PTPRT: variants seen among roughly 807,000 people sequenced by gnomAD.
PTPRT encodes the protein receptor-type tyrosine-protein phosphatase T.
A neutral mutation model predicts 176.8 loss-of-function variants in PTPRT; 56 were observed. That is an observed-to-expected ratio of 0.32 (90% CI 0.26 to 0.40). The LOEUF (loss-of-function observed/expected upper bound fraction) is 0.40, where lower values mean the gene tolerates loss of function less well. Ranked by LOEUF, PTPRT falls within the 10% of genes least tolerant of loss-of-function variation. The pLI is 1.00. For synonymous variants in PTPRT, 783 were observed against 739.0 expected (o/e 1.06, Z -0.96); for missense variants, 1,540 against 1,908.2 (o/e 0.81, Z 3.60).
chr20:43,179,938 A>G (rs2015209532), intron 1 of PTPRT, among the ~76,000 whole-genome samples: 1 of 152,214 alleles, frequency 6.6e-6, no homozygotes, highest in African/African-American at 2.4e-5. Flanking sequence ...GGCTGGGCTA[A>G]CAGATGCCCA....
At chr20:42,999,542 G>A (rs1175636329) in intron 1 of PTPRT, among the ~76,000 whole-genome samples, 1 of 152,096 alleles carries the variant, frequency 6.6e-6, no homozygotes, top group African/African-American at 2.4e-5. Context: ...GGCCACTGGA[G>A]GCCAGGGGTT....
At chr20:42,418,394 C>T (rs899055414) in intron 9 of PTPRT, among the ~76,000 whole-genome samples, 1 of 152,158 alleles carries the variant, frequency 6.6e-6, no homozygotes, top group Admixed American at 6.5e-5. Context: ...CTAGCTTAGA[C>T]TCTGGCTCAG....
intron 1 of PTPRT, among the ~76,000 whole-genome samples, chr20:43,087,981 A>G (rs2011669384): frequency 6.6e-6 from 1 of 152,220 alleles, no homozygotes; most frequent in South Asian, 2.1e-4. Flanking sequence ...CCACTGTAAG[A>G]TGGCTGTACT....
chr20:42,631,006 C>CCCAAGAAA (rs1445809400), intron 7 of PTPRT, among the ~76,000 whole-genome samples: 2 of 152,040 alleles, frequency 1.3e-5, no homozygotes, highest in African/African-American at 4.8e-5. Flanking sequence ...GAGACTCTTA[C>CCCAAGAAA]CCAAGAAACC....
intron 6 of PTPRT, among the ~76,000 whole-genome samples, chr20:42,692,503 T>TCTAAAA (rs1303409687): frequency 6.6e-6 from 1 of 152,222 alleles, no homozygotes; most frequent in Non-Finnish European, 1.5e-5. Flanking sequence ...CAGCCATTCA[T>TCTAAAA]GATAAAACTT....
At chr20:42,187,478 G>A (rs982672721) in intron 16 of PTPRT, among the ~76,000 whole-genome samples, 3 of 152,202 alleles carry the variant, frequency 2.0e-5, no homozygotes, top group Non-Finnish European at 4.4e-5. Context: ...GTGATGCACT[G>A]AGCATAGGGG....
At position 43,189,470 on chromosome 20, in the gene PTPRT, G is replaced by C. The variant is rs912447637; in HGVS notation, c.88+176C>G. Among the ~76,000 whole-genome samples the C allele has an allele frequency of 7.2e-5, 11 of 151,956 alleles. No homozygotes were observed. The highest frequency in any genetic ancestry group is 2.4e-4 in the African/African-American group (10 of 41,400). ...ACGCGAGGGGCCGGGCTCGCTGGCC[G>C]GGGCGCGCGGGGACACTGCTTCCCG... On this transcript the variant is annotated intron_variant, in intron 1 of 30. Transcript: ENST00000373187. This position sits in a 1 kb window ranked among gnomAD's most constrained non-coding sequence, Gnocchi z 5.0.
chr20:42,876,144 C>T (rs2078926440), intron 2 of PTPRT, among the ~76,000 whole-genome samples: 1 of 152,144 alleles, frequency 6.6e-6, no homozygotes, highest in South Asian at 2.1e-4. Context: ...AGAGAGGTAA[C>T]TTATATGTTC....
At chr20:42,611,732 G>T (rs1173498657) in intron 7 of PTPRT, among the ~76,000 whole-genome samples, 1 of 152,192 alleles carries the variant, frequency 6.6e-6, no homozygotes, top group Non-Finnish European at 1.5e-5. Flanking sequence ...CCTCCTGGCT[G>T]TGGGCATTCC....
At chr20:42,549,765 G>A (rs924056551) in intron 7 of PTPRT, among the ~76,000 whole-genome samples, 9 of 152,170 alleles carry the variant, frequency 5.9e-5, no homozygotes, top group Admixed American at 5.9e-4. Context: ...ACAGTCTCTA[G>A]TAGCCAGCTG....
chr20:42,701,960 A>C (rs2075979884), intron 6 of PTPRT, among the ~76,000 whole-genome samples: 1 of 152,160 alleles, frequency 6.6e-6, no homozygotes, highest in Non-Finnish European at 1.5e-5. Context: ...AGAGGTATCA[A>C]GTGGCAAAAC....
chr20:43,029,897 C>T (rs917109280), intron 1 of PTPRT, among the ~76,000 whole-genome samples: 5 of 152,180 alleles, frequency 3.3e-5, no homozygotes, highest in African/African-American at 7.2e-5. Flanking sequence ...CACCTATTTC[C>T]GAGATAGAGG....
intron 6 of PTPRT, among the ~76,000 whole-genome samples, chr20:42,754,212 G>T (rs945985195): frequency 6.6e-6 from 1 of 152,024 alleles, no homozygotes; most frequent in Non-Finnish European, 1.5e-5. Flanking sequence ...TTGAGATGGA[G>T]TCTCGCTCAG....
At chr20:42,929,762 T>C (rs1172663800) in intron 1 of PTPRT, among the ~76,000 whole-genome samples, 2 of 152,202 alleles carry the variant, frequency 1.3e-5, no homozygotes, top group Admixed American at 6.5e-5. Flanking sequence ...TGGTCTGATG[T>C]TTGTAGGAAT....
At chr20:42,433,321 T>C (rs2059232263) in intron 9 of PTPRT, among the ~76,000 whole-genome samples, 2 of 152,138 alleles carry the variant, frequency 1.3e-5, no homozygotes, top group Non-Finnish European at 2.9e-5. Context: ...AATTACCTAA[T>C]TACCATAAAG....
At chr20:42,320,350 G>C (rs927317025) in intron 11 of PTPRT, among the ~76,000 whole-genome samples, 1 of 152,130 alleles carries the variant, frequency 6.6e-6, no homozygotes, top group Non-Finnish European at 1.5e-5. Context: ...TCCACTGAGG[G>C]GGACCAGGGA....
chr20:42,195,730 C>T (rs1991188768), intron 16 of PTPRT, among the ~76,000 whole-genome samples: 1 of 152,132 alleles, frequency 6.6e-6, no homozygotes, highest in Non-Finnish European at 1.5e-5. Context: ...TATATACAGT[C>T]ATATATGTAT....
chr20:42,512,859 T>C (rs1333668196), intron 7 of PTPRT, among the ~76,000 whole-genome samples: 1 of 152,114 alleles, frequency 6.6e-6, no homozygotes, highest in Non-Finnish European at 1.5e-5. Context: ...TGTTTTTTGT[T>C]GTTTTGTTTT....
intron 6 of PTPRT, among the ~76,000 whole-genome samples, chr20:42,698,550 C>G (rs2075921340): frequency 6.6e-6 from 1 of 152,186 alleles, no homozygotes; most frequent in Admixed American, 6.5e-5. Context: ...AACTTGGCTG[C>G]ACATTAGAAT....
Sources: gnomAD v4.1 joint callset for allele counts (sites outside exome capture counted in the v4.1 genomes callset) on GRCh38, gnomAD v4.1.1 for gene constraint, Gnocchi (gnomAD v3.1) non-coding constraint, MANE v1.5 for transcripts, NCBI Gene and HGNC (gene_info 2026-07-23, HGNC 2026-07-21) for gene names.